STEEP1: variants seen among roughly 807,000 people sequenced by gnomAD.
STEEP1 encodes the protein STING1 ER exit protein 1.
A neutral mutation model predicts 19.2 loss-of-function variants in STEEP1; 3 were observed. The ratio of observed to expected loss-of-function variants is 0.16; its 90% CI spans 0.07 to 0.40. The LOEUF is 0.40. STEEP1 is among the 10% of genes least tolerant of loss of function. STEEP1 has a pLI of 0.99. For synonymous variants in STEEP1, 46 were observed against 63.7 expected (o/e 0.72, Z 1.32); for missense variants, 54 against 177.1 (o/e 0.30, Z 3.94).
Position 119,560,216 on chromosome X carries a change from A to G in STEEP1, c.242+52T>C. 5 of 857,909 alleles carry G rather than the reference A, an allele frequency of 5.8e-6. No homozygotes were observed. The South Asian group carries it at 1.0e-4, about 18-fold the overall frequency. 70.7% of individuals were successfully genotyped at this position (857,909 alleles called of 1,213,427 possible). On this transcript the variant is annotated intron_variant, in intron 2 of 6. Transcript: ENST00000644802. ...GATGTGATATTTATATTATTCAGAAACAGACTCCAACACAATAGGGAAATC... is the reference window on the plus strand; with the variant it reads ...GATGTGATATTTATATTATTCAGAAGCAGACTCCAACACAATAGGGAAATC...
chrX:119,542,706 T>C, intron 4 of STEEP1, 112 bp from the exon 5 acceptor site: 1 of 473,887 alleles, frequency 2.1e-6, no homozygotes, highest in South Asian at 4.0e-5. Flanking sequence ...GGGGAAACAC[T>C]ACCTCTTTGG....
chrX:119,552,367 T>G (rs1430250841), intron 2 of STEEP1, among the ~76,000 whole-genome samples: 5 of 112,263 alleles, frequency 4.5e-5, no homozygotes, highest in African/African-American at 1.6e-4. Context: ...CCAACCAGCT[T>G]CAAGTTGGGG....
intron 2 of STEEP1, among the ~76,000 whole-genome samples, chrX:119,552,787 T>C (rs764614907): frequency 8.9e-6 from 1 of 112,627 alleles, no homozygotes; most frequent in African/African-American, 3.2e-5. Flanking sequence ...TTGCACAATC[T>C]TGCAAACATA....
intron 2 of STEEP1, among the ~76,000 whole-genome samples, chrX:119,557,928 G>A (rs981754272): frequency 9.1e-6 from 1 of 109,628 alleles, no homozygotes; most frequent in Non-Finnish European, 1.9e-5. Flanking sequence ...TATTTTTTGA[G>A]ACAGTGTCTC....
intron 1 of STEEP1, 74 bp from the exon 2 acceptor site, chrX:119,560,459 A>G (rs1286959740): frequency 3.1e-6 from 2 of 652,049 alleles, no homozygotes; most frequent in Non-Finnish European, 5.0e-6. Flanking sequence ...AAATATCCTG[A>G]GAAGTTTTGA....
chrX:119,542,632 C>A, intron 4 of STEEP1, 38 bp from the exon 5 acceptor site: 1 of 1,021,707 alleles, frequency 9.8e-7, no homozygotes, highest in Non-Finnish European at 1.4e-6. Context: ...TCCGGTTCAC[C>A]AAAACAGGAT....
Position 119,539,621 on chromosome X carries a change from G to C in STEEP1, c.*106C>G, listed in dbSNP as rs2053149527. 2 of 570,630 alleles carry C rather than the reference G, an allele frequency of 3.5e-6. No homozygotes were observed. Among genetic ancestry groups the C allele is most frequent in the African/African-American group, 2.3e-5 (1 of 44,001 alleles). The allele number at this position is 570,630 out of a possible 1,213,427, so 47.0% of individuals were successfully genotyped here. A position where few individuals can be genotyped will look rare whatever the true frequency, so the allele number is the denominator to read the frequency against. ...GAGAATCAATGGGAAACAACGTAAA[G>C]CCTTCTGCTAGGGCATAAATAGGAA... is the stretch of plus-strand genomic sequence containing the variant. On this transcript the variant is annotated 3_prime_UTR_variant, in exon 7 of 7. Transcript: ENST00000644802.
At chrX:119,552,882 G>A (rs1251381337) in intron 2 of STEEP1, among the ~76,000 whole-genome samples, 2 of 111,638 alleles carry the variant, frequency 1.8e-5, no homozygotes, top group Admixed American at 9.6e-5. Context: ...CTAAATCTCG[G>A]CTGGGTGTGG....
chrX:119,557,155 C>CAAAAAAAAAAAAAAAAAAAAA (rs61087266), intron 2 of STEEP1, among the ~76,000 whole-genome samples: 3 of 47,774 alleles, frequency 6.3e-5, no homozygotes, highest in Non-Finnish European at 1.1e-4. Flanking sequence ...GACTCTATCT[C>CAAAAAAAAAAAAAAAAAAAAA]AAAAAAAAAA....
At chrX:119,550,757 G>A (rs2053236678) in intron 2 of STEEP1, among the ~76,000 whole-genome samples, 1 of 111,625 alleles carries the variant, frequency 9.0e-6, no homozygotes, top group African/African-American at 3.3e-5. Context: ...CCACCTACCA[G>A]GTTCAAGCGA....
At chrX:119,552,992 G>A (rs754828529) in intron 2 of STEEP1, among the ~76,000 whole-genome samples, 2 of 110,458 alleles carry the variant, frequency 1.8e-5, no homozygotes, top group East Asian at 5.7e-4. Flanking sequence ...GTGAAACCCT[G>A]TCTCTACAAA....
intron 4 of STEEP1, 61 bp downstream of exon 4, chrX:119,544,291 AT>A: frequency 9.9e-7 from 1 of 1,008,341 alleles, no homozygotes; most frequent in Non-Finnish European, 1.4e-6. Flanking sequence ...CTATAATCTT[AT>A]TTCAAAACAT....
At chrX:119,542,046 T>G (rs956119789) in intron 5 of STEEP1, among the ~76,000 whole-genome samples, 1 of 70,144 alleles carries the variant, frequency 1.4e-5, no homozygotes, top group Non-Finnish European at 2.4e-5. Context: ...TCAGAGTTTC[T>G]TTTCTTTTCT....
intron 2 of STEEP1, among the ~76,000 whole-genome samples, chrX:119,553,440 T>C (rs1206724188): frequency 9.0e-6 from 1 of 111,697 alleles, no homozygotes; most frequent in African/African-American, 3.3e-5. Context: ...TGACAACACA[T>C]GGGTATTATT....
chrX:119,552,848 G>A (rs1435101484), intron 2 of STEEP1, among the ~76,000 whole-genome samples: 1 of 111,879 alleles, frequency 8.9e-6, no homozygotes, highest in African/African-American at 3.2e-5. Flanking sequence ...ATGGTATGTA[G>A]ACTATAACTC....
intron 2 of STEEP1, among the ~76,000 whole-genome samples, chrX:119,547,987 C>A (rs2053217362): frequency 9.1e-6 from 1 of 109,982 alleles, no homozygotes; most frequent in Admixed American, 9.8e-5. Flanking sequence ...GCCTGGCCAA[C>A]ATGGTAAAAC....
rs72607658 is a variant in STEEP1 at position 119,550,552 on chromosome X, A to C, written c.243-5048T>G. Among the ~76,000 whole-genome samples, 76 of 112,445 alleles carry C rather than the reference A, an allele frequency of 6.8e-4. 1 individual carries two copies. The East Asian group carries it at 0.02, about 30-fold the overall frequency. Reference sequence around the variant, plus strand: ...TAGCCCCCTACCTCATGCTATATACAAAAATTAACTCAAAATGAATGAAAG... The same window carrying C: ...TAGCCCCCTACCTCATGCTATATACCAAAATTAACTCAAAATGAATGAAAG... On this transcript the variant is annotated intron_variant, in intron 2 of 6. Transcript: ENST00000644802.
rs146059297 is a variant in STEEP1 at position 119,538,221 on chromosome X, T to C, written c.*1506A>G. On this transcript the variant is annotated 3_prime_UTR_variant, in exon 7 of 7. Transcript: ENST00000644802. ...TACAAACACATGGATATAGGTATCA[T>C]TGAAGCAGTGTGACATAAAATAACA... 7.1e-3 allele frequency: 829 copies of C among 115,982 alleles called. 10 individuals are homozygous for C. The highest frequency in any genetic ancestry group is 0.026 in the African/African-American group (794 of 30,834). The allele number at this position is 115,982 out of a possible 1,213,427, so 9.6% of individuals were successfully genotyped here. A position where few individuals can be genotyped will look rare whatever the true frequency, so the allele number is the denominator to read the frequency against.
chrX:119,547,474 G>T (rs901785502), intron 2 of STEEP1, among the ~76,000 whole-genome samples: 2 of 112,263 alleles, frequency 1.8e-5, no homozygotes, highest in African/African-American at 6.5e-5. Flanking sequence ...GTGAAAAATG[G>T]AATCTTTTAA....
Sources: gnomAD v4.1 joint callset for allele counts (sites outside exome capture counted in the v4.1 genomes callset) on GRCh38, gnomAD v4.1.1 for gene constraint, MANE v1.5 for transcripts, NCBI Gene and HGNC (gene_info 2026-07-23, HGNC 2026-07-21) for gene names.